CENPH: variants seen among roughly 807,000 people sequenced by gnomAD.
The protein encoded by CENPH is centromere protein H.
A neutral mutation model predicts 42.9 loss-of-function variants in CENPH; 40 were observed. That is an observed-to-expected ratio of 0.93 (90% CI 0.72 to 1.21). CENPH has a LOEUF of 1.21. CENPH is among the 50% of genes most tolerant of loss of function. The probability of loss-of-function intolerance (pLI) is 0.00; values close to 1 mark genes in which losing one functional copy is unlikely to be tolerated. For missense variants in CENPH, 302 were observed against 292.9 expected (o/e 1.03, Z -0.23); for synonymous variants, 88 against 96.5 (o/e 0.91, Z 0.52).
chr5:69,190,269 AG>A (rs1436150552), intron 1 of CENPH, among the ~76,000 whole-genome samples: 8 of 152,370 alleles, frequency 5.3e-5, no homozygotes, highest in African/African-American at 1.9e-4. Context: ...ACTAGTGAGC[AG>A]GAGAAGGTCC....
chr5:69,197,451 A>C (rs541617713), intron 5 of CENPH: 1 of 181,196 alleles, frequency 5.5e-6, no homozygotes, highest in African/African-American at 2.3e-5. Flanking sequence ...TAGGAAATAT[A>C]CTCCTCATTT....
At chr5:69,194,599 A>G in intron 2 of CENPH, 48 bp from the exon 3 acceptor site, 4 of 1,104,534 alleles carry the variant, frequency 3.6e-6, no homozygotes, top group Non-Finnish European at 5.4e-6. Context: ...CCTTTTGGAC[A>G]GCACCTCTCT....
intron 2 of CENPH, 101 bp downstream of exon 2, chr5:69,191,951 C>T (rs745627663): frequency 3.1e-6 from 2 of 640,190 alleles, no homozygotes; most frequent in Non-Finnish European, 5.5e-6. Flanking sequence ...GTGGCGCAGT[C>T]TCTGGTTTAC....
intron 1 of CENPH, among the ~76,000 whole-genome samples, chr5:69,190,461 G>A (rs551941614): frequency 6.6e-6 from 1 of 152,212 alleles, no homozygotes; most frequent in Admixed American, 6.5e-5. Context: ...CTGCCACAAG[G>A]GTGGAATTGA....
chr5:69,204,071 A>ATAGAATATAT (rs1418890038), intron 7 of CENPH, among the ~76,000 whole-genome samples: 6 of 56,480 alleles, frequency 1.1e-4, no homozygotes, highest in African/African-American at 4.6e-4. Context: ...AAATATATAT[A>ATAGAATATAT]ATATATAAAT....
intron 2 of CENPH, among the ~76,000 whole-genome samples, chr5:69,193,113 CAAAA>C (rs1265455217): frequency 1.3e-5 from 2 of 150,284 alleles, no homozygotes; most frequent in African/African-American, 4.9e-5. Flanking sequence ...CAAAAACAAA[CAAAA>C]TATATATATA....
intron 1 of CENPH, among the ~76,000 whole-genome samples, chr5:69,190,619 C>G (rs1428374435): frequency 6.6e-6 from 1 of 152,238 alleles, no homozygotes; most frequent in African/African-American, 2.4e-5. Flanking sequence ...GTGGCTCACG[C>G]CTGTAATCCC....
chr5:69,196,918 TATA>T (rs1449837448), intron 4 of CENPH, 132 bp from the exon 5 acceptor site: 2 of 567,652 alleles, frequency 3.5e-6, no homozygotes, highest in Non-Finnish European at 6.1e-6. Flanking sequence ...GTATTTCTCT[TATA>T]ATAATATTTT....
intron 3 of CENPH, among the ~76,000 whole-genome samples, chr5:69,195,019 C>G (rs900053409): frequency 6.6e-6 from 1 of 151,464 alleles, no homozygotes; most frequent in South Asian, 2.1e-4. Flanking sequence ...CACCCGAGGT[C>G]GGGAGTTCGA....
intron 8 of CENPH, 134 bp downstream of exon 8, chr5:69,208,493 G>A: frequency 3.8e-6 from 2 of 524,224 alleles, no homozygotes; most frequent in Non-Finnish European, 6.8e-6. Context: ...TGAGTAGCTG[G>A]GATTACAGGC....
intron 2 of CENPH, among the ~76,000 whole-genome samples, chr5:69,194,274 T>C (rs527571768): frequency 2.0e-5 from 3 of 152,182 alleles, no homozygotes; most frequent in African/African-American, 7.2e-5. Flanking sequence ...TCCTCCCACC[T>C]CAGCCTCCCG....
intron 2 of CENPH, 69 bp downstream of exon 2, chr5:69,191,919 C>T: frequency 1.1e-6 from 1 of 911,644 alleles, no homozygotes; most frequent in South Asian, 1.4e-5. Flanking sequence ...CAGGGTCTTG[C>T]TATCACCCAG....
rs538616325 is a variant in CENPH, at chr5:69,193,044, G to A, written c.190+1194G>A. On this transcript the variant is annotated intron_variant, in intron 2 of 8. Coordinates refer to ENST00000283006, the MANE Select transcript of CENPH (RefSeq NM_022909.4). Reference sequence around the variant, plus strand: ...CCTGGGAGGTGGAGGTTGCAGTGACGCGAGATCACGCCATTGCACTCTGGC... The same window carrying A: ...CCTGGGAGGTGGAGGTTGCAGTGACACGAGATCACGCCATTGCACTCTGGC... Among the ~76,000 whole-genome samples the A allele has an allele frequency of 2.0e-5, 3 of 151,772 alleles. No homozygotes were observed. In the South Asian group the frequency reaches 6.2e-4, roughly 32 times the overall value.
At chr5:69,203,677 A>AT (rs1367916900) in intron 7 of CENPH, among the ~76,000 whole-genome samples, 3 of 151,568 alleles carry the variant, frequency 2.0e-5, no homozygotes, top group Non-Finnish European at 4.4e-5. Flanking sequence ...AAATTGTTGT[A>AT]TTTTTAGTAG....
At chr5:69,207,226 G>A (rs1048829858) in intron 7 of CENPH, among the ~76,000 whole-genome samples, 12 of 150,202 alleles carry the variant, frequency 8.0e-5, no homozygotes, top group African/African-American at 2.9e-4. Flanking sequence ...TTTCACTCTT[G>A]TTGCCCAGGC....
At chr5:69,202,020 G>T (rs951428655) in intron 5 of CENPH, among the ~76,000 whole-genome samples, 3 of 152,132 alleles carry the variant, frequency 2.0e-5, no homozygotes, top group Non-Finnish European at 2.9e-5. Flanking sequence ...ATGTGTCAGG[G>T]GTAGGGTGTA....
At chr5:69,195,405 T>C (rs2112083993) in intron 3 of CENPH, among the ~76,000 whole-genome samples, 1 of 152,270 alleles carries the variant, frequency 6.6e-6, no homozygotes, top group East Asian at 1.9e-4. Context: ...TTTTTATTTT[T>C]CCTTTCCTTT....
intron 5 of CENPH, among the ~76,000 whole-genome samples, chr5:69,200,841 G>A (rs1289660794): frequency 1.4e-5 from 2 of 142,424 alleles, no homozygotes; most frequent in East Asian, 2.2e-4. Context: ...AGGTTCAAGC[G>A]ATTCTCCTGC....
intron 3 of CENPH, 111 bp from the exon 4 acceptor site, chr5:69,195,606 T>C (rs1747950288): frequency 4.7e-6 from 3 of 644,898 alleles, no homozygotes; most frequent in Non-Finnish European, 8.3e-6. Flanking sequence ...GTAGAATACT[T>C]GTATTTAGAT....
Sources: allele counts gnomAD v4.1 joint callset (sites outside exome capture counted in the v4.1 genomes callset), GRCh38; gene constraint gnomAD v4.1.1; transcripts MANE v1.5; gene names NCBI Gene and HGNC (gene_info 2026-07-23, HGNC 2026-07-21).